The following RNF169 variants were observed in gnomAD, a reference collection of about 807,000 sequenced individuals.
The protein encoded by RNF169 is ring finger protein 169, also known as E3 ubiquitin-protein ligase RNF169.
In RNF169, 24 loss-of-function variants were observed where a neutral mutation model predicts 53.9. That is an observed-to-expected ratio of 0.45 (90% CI 0.32 to 0.63). The LOEUF is 0.63. RNF169 is among the 20% of genes least tolerant of loss of function. The probability of loss-of-function intolerance (pLI) is 0.04; values close to 1 mark genes in which losing one functional copy is unlikely to be tolerated. For synonymous variants in RNF169, 396 were observed against 363.5 expected, an observed-to-expected ratio of 1.09 and a Z score of -1.02; for missense variants, 883 against 906.2, an observed-to-expected ratio of 0.97 and a Z score of 0.33.
intron 1 of RNF169, among the ~76,000 whole-genome samples, chr11:74,753,516 G>A (rs2034933984): frequency 6.6e-6 from 1 of 152,166 alleles, no homozygotes; most frequent in African/African-American, 2.4e-5. Context: ...TGGCACAAAA[G>A]TAATTATGGT....
At chr11:74,750,573 T>G (rs575036626) in intron 1 of RNF169, among the ~76,000 whole-genome samples, 1 of 149,224 alleles carries the variant, frequency 6.7e-6, no homozygotes, top group East Asian at 2.0e-4. Flanking sequence ...CTATGTTCCT[T>G]GTCACTCCCC....
chr11:74,780,298 C>T (rs1236907501), intron 1 of RNF169, among the ~76,000 whole-genome samples: 1 of 152,132 alleles, frequency 6.6e-6, no homozygotes. Flanking sequence ...CCTCGCTGTT[C>T]ATTCCCTCTT....
rs758510233 is a variant in RNF169, at chr11:74,834,791, A to G, written c.942+16A>G. On this transcript the variant is annotated intron_variant, in intron 5 of 5. Transcript: ENST00000299563. ...CAAAGCCAAGGTACACCTCAGCCAC[A>G]GACCTCCGGGGCTTGTGAGGCTTGC... The G allele has an allele frequency of 6.9e-6, 11 of 1,585,424 alleles. No individual in the cohort carries two copies. Among genetic ancestry groups the G allele is most frequent in the East Asian group, 2.2e-5 (1 of 44,714 alleles).
intron 1 of RNF169, among the ~76,000 whole-genome samples, chr11:74,777,043 T>C (rs553035599): frequency 6.6e-6 from 1 of 152,154 alleles, no homozygotes; most frequent in Non-Finnish European, 1.5e-5. Context: ...TAAAGATAGA[T>C]GGAAAGACAG....
intron 2 of RNF169, among the ~76,000 whole-genome samples, chr11:74,801,886 C>T (rs898277557): frequency 6.6e-6 from 1 of 152,058 alleles, no homozygotes; most frequent in South Asian, 2.1e-4. Context: ...TTGTGAAACC[C>T]CCCTTAGAAT....
chr11:74,766,689 G>A (rs1406684420), intron 1 of RNF169, among the ~76,000 whole-genome samples: 1 of 152,168 alleles, frequency 6.6e-6, no homozygotes, highest in Non-Finnish European at 1.5e-5. Flanking sequence ...ATTGATTGCT[G>A]AAGCTGGATG....
At chr11:74,791,908 A>AGG (rs1198184277) in intron 2 of RNF169, among the ~76,000 whole-genome samples, 9 of 152,224 alleles carry the variant, frequency 5.9e-5, no homozygotes, top group Non-Finnish European at 1.3e-4. Context: ...GTACAGCCCC[A>AGG]GCTGTGCCTT....
rs549788177 is a variant in RNF169, at chr11:74,756,195, T to C, written c.502+6813T>C. On this transcript the variant is annotated intron_variant, in intron 1 of 5. Transcript: ENST00000299563. The stretch of plus-strand genomic sequence containing the variant: ...AGCTGCAAATAGAGGTAAAGCATGG[T>C]TCTGTCCCAAAGTGTAGTTGGGAAG... Among the ~76,000 whole-genome samples the C allele has an allele frequency of 6.6e-5, 10 of 152,332 alleles. No individual in the cohort carries two copies. In the East Asian group the frequency reaches 1.9e-3, roughly 29 times the overall value.
intron 2 of RNF169, among the ~76,000 whole-genome samples, chr11:74,805,524 TAAAAAATGAATTCTTAATATAAA>T: frequency 6.6e-6 from 1 of 152,142 alleles, no homozygotes; most frequent in Non-Finnish European, 1.5e-5. Flanking sequence ...TCTTATGATA[TAAAAAATGAATTCTTAATATAAA>T]AAATGAATTC....
chr11:74,777,572 G>A (rs2035354814), intron 1 of RNF169, among the ~76,000 whole-genome samples: 1 of 151,902 alleles, frequency 6.6e-6, no homozygotes, highest in African/African-American at 2.4e-5. Context: ...GCCATTTCTG[G>A]ATTCAACAAG....
intron 1 of RNF169, among the ~76,000 whole-genome samples, chr11:74,751,371 T>G (rs2034893056): frequency 6.6e-6 from 1 of 152,190 alleles, no homozygotes. Context: ...TGCTACTTAA[T>G]TTGCTTTATA....
rs959293805 is a variant in RNF169 at position 74,754,539 on chromosome 11, G to T, written c.502+5157G>T. On this transcript the variant is annotated intron_variant, in intron 1 of 5. Coordinates refer to ENST00000299563, the MANE Select transcript of RNF169 (RefSeq NM_001098638.2). ...GTGCTTTTCAGAAATTGAATAGATA[G>T]GCCAGGCGCGGTGGCTCACATCTGT... Among the ~76,000 whole-genome samples, 171 of 152,242 alleles carry T rather than the reference G, an allele frequency of 1.1e-3. 1 individual carries two copies. The highest frequency in any genetic ancestry group is 3.9e-3 in the African/African-American group (164 of 41,530).
chr11:74,811,103 A>G (rs1400714609), intron 3 of RNF169, among the ~76,000 whole-genome samples: 1 of 152,150 alleles, frequency 6.6e-6, no homozygotes, highest in African/African-American at 2.4e-5. Flanking sequence ...TTTACCATCT[A>G]TAATGACAGG....
At chr11:74,776,464 C>G (rs563812582) in intron 1 of RNF169, among the ~76,000 whole-genome samples, 1 of 144,934 alleles carries the variant, frequency 6.9e-6, no homozygotes, top group Admixed American at 7.0e-5. Context: ...CTTTAAAAGA[C>G]CATAGTGCAA....
intron 1 of RNF169, among the ~76,000 whole-genome samples, chr11:74,766,591 G>T (rs2035178057): frequency 6.6e-6 from 1 of 152,104 alleles, no homozygotes; most frequent in Non-Finnish European, 1.5e-5. Flanking sequence ...ATGATGCCTG[G>T]GATTTGCTTC....
chr11:74,788,693 A>G (rs1222690650), intron 1 of RNF169, among the ~76,000 whole-genome samples: 26 of 152,140 alleles, frequency 1.7e-4, no homozygotes, highest in Admixed American at 1.0e-3. Context: ...GGCCTGATCT[A>G]TCTGTTTTTA....
chr11:74,777,570 T>C (rs967324469), intron 1 of RNF169, among the ~76,000 whole-genome samples: 1 of 152,162 alleles, frequency 6.6e-6, no homozygotes, highest in African/African-American at 2.4e-5. Context: ...GGGCCATTTC[T>C]GGATTCAACA....
At chr11:74,792,863 T>C (rs1201881193) in intron 2 of RNF169, among the ~76,000 whole-genome samples, 1 of 152,180 alleles carries the variant, frequency 6.6e-6, no homozygotes, top group Non-Finnish European at 1.5e-5. Flanking sequence ...ATAAACTGGA[T>C]TGGATTTGAG....
chr11:74,810,539 G>A (rs530193658), intron 3 of RNF169, among the ~76,000 whole-genome samples: 25 of 152,304 alleles, frequency 1.6e-4, no homozygotes, highest in African/African-American at 5.8e-4. Flanking sequence ...GGAAGATTAA[G>A]GAACAGTGGG....
Sources: gnomAD v4.1 joint callset for allele counts (sites outside exome capture counted in the v4.1 genomes callset) on GRCh38, gnomAD v4.1.1 for gene constraint, MANE v1.5 for transcripts, NCBI Gene and HGNC (gene_info 2026-07-23, HGNC 2026-07-21) for gene names.